TXNDC16: variants seen among roughly 807,000 people sequenced by gnomAD.
The protein encoded by TXNDC16 is thioredoxin domain-containing protein 16.
TXNDC16 carries 74 observed loss-of-function variants against 85.6 expected under a neutral mutation model. That is an observed-to-expected ratio of 0.86 (90% confidence interval 0.72 to 1.05). The LOEUF is 1.05. Ranked by LOEUF, TXNDC16 falls within the 50% of genes least tolerant of loss-of-function variation. The pLI is 0.00. For synonymous variants in TXNDC16, 335 were observed against 326.5 expected (o/e 1.03, Z -0.28); for missense variants, 959 against 947.0 (o/e 1.01, Z -0.17).
chr14:52,482,348 T>C (rs1417889142), intron 13 of TXNDC16, 59 bp from the exon 14 acceptor site: 1 of 1,377,046 alleles, frequency 7.3e-7, no homozygotes, highest in African/African-American at 1.4e-5. Context: ...GCATCCACAC[T>C]GATATGTAAC....
chr14:52,491,010 AT>A lies in TXNDC16; in HGVS notation c.757-6del, dbSNP rs1403628691. Reference sequence around the variant, plus strand: ...AGGATCTTCAGCAACTTCAGTCTTCATTGAAAAAAAAAAAAAAAAAAGGTGT... The same window carrying A: ...AGGATCTTCAGCAACTTCAGTCTTCATGAAAAAAAAAAAAAAAAAAGGTGT... On this transcript the variant is annotated splice_region_variant and splice_polypyrimidine_tract_variant and intron_variant, in intron 9 of 20. Transcript: ENST00000281741. The A allele has an allele frequency of 1.5e-5, 21 of 1,355,906 alleles. No individual in the cohort carries two copies. Among genetic ancestry groups the A allele is most frequent in the Non-Finnish European group, 2.1e-5 (21 of 1,018,258 alleles). The allele number at this position is 1,355,906 out of a possible 1,614,324, so 84.0% of individuals were successfully genotyped here.
At chr14:52,529,576 ATATATATAATGCCTATTATATATAT>A (rs2037431272) in intron 6 of TXNDC16, among the ~76,000 whole-genome samples, 6 of 45,862 alleles carry the variant, frequency 1.3e-4, no homozygotes, top group East Asian at 6.6e-4. Flanking sequence ...ATTATATATA[ATATATATAATGCCTATTATATATAT>A]TATATATAAT....
chr14:52,446,273 A>G (rs1001829856), intron 18 of TXNDC16, among the ~76,000 whole-genome samples: 1 of 152,244 alleles, frequency 6.6e-6, no homozygotes, highest in Admixed American at 6.5e-5. Context: ...GGGAGAGCAC[A>G]GCAATTGTGA....
At chr14:52,537,571 G>A (rs748624878) in intron 5 of TXNDC16, 28 bp downstream of exon 5, 11 of 1,455,752 alleles carry the variant, frequency 7.6e-6, no homozygotes, top group Non-Finnish European at 1.1e-5. Flanking sequence ...CTTTGTATTT[G>A]TCCAGCACAC....
chr14:52,439,324 C>T lies in TXNDC16; in HGVS notation c.2074G>A (p.Val692Ile), dbSNP rs61740050. The change falls in exon 20 of 21, where the codon GTT (valine) becomes ATT (isoleucine). Residue 692 changes from valine to isoleucine, a missense_variant. Physicochemically the swap from Val to Ile is conservative, Grantham distance 29. Transcript: ENST00000281741. Reference sequence around the variant, plus strand: ...CCACCTGAATGCAGATTCACCAAAACAAGAAGAGGAAGGGGAGGCAGAGGA... The same window carrying T: ...CCACCTGAATGCAGATTCACCAAAATAAGAAGAGGAAGGGGAGGCAGAGGA... ...FDPLPPLPLLVLVNLHSGGQV... is the reference protein window; with the variant it reads ...FDPLPPLPLLILVNLHSGGQV... The T allele has an allele frequency of 5.0e-5, 81 of 1,614,004 alleles. No homozygotes were observed. In the African/African-American group the frequency reaches 9.6e-4, roughly 19 times the overall value.
intron 14 of TXNDC16, among the ~76,000 whole-genome samples, chr14:52,477,045 T>A (rs538100248): frequency 6.6e-6 from 1 of 152,138 alleles, no homozygotes; most frequent in African/African-American, 2.4e-5. Flanking sequence ...AAAACAATTA[T>A]CAGCCAAGAA....
chr14:52,443,462 C>T (rs948171716), intron 18 of TXNDC16, among the ~76,000 whole-genome samples: 92 of 152,230 alleles, frequency 6.0e-4, no homozygotes, highest in African/African-American at 2.0e-3. Flanking sequence ...AGTAGGGGAG[C>T]TCATGGATGA....
chr14:52,551,980 CATCT>C (rs1378976056), intron 1 of TXNDC16, among the ~76,000 whole-genome samples: 2 of 152,190 alleles, frequency 1.3e-5, no homozygotes, highest in African/African-American at 2.4e-5. Flanking sequence ...CTTCAACATC[CATCT>C]GATACTACTA....
In TXNDC16 at chr14:52,543,415, G is replaced by A. The variant is rs2037875307; in HGVS notation, c.143C>T (p.Ala48Val). ...STLQPGKASL[A>V]YFCQADSPRT... ...ATACTTACCAGCTTGACAAAAATAA[G>A]CTAAAGAGGCTTTTCCTGGTTGCAA... The change falls in exon 3 of 21, where the codon GCT becomes GTT. Residue 48 changes from alanine to valine, a missense_variant. By Grantham distance (64) the Ala-to-Val change is moderately conservative. Coordinates refer to ENST00000281741, the MANE Select transcript of TXNDC16 (RefSeq NM_020784.3). The A allele has an allele frequency of 2.5e-6, 4 of 1,607,464 alleles. No homozygotes were observed. The South Asian group carries it at 3.4e-5, about 14-fold the overall frequency.
At chr14:52,489,568 C>A (rs902360352) in intron 11 of TXNDC16, among the ~76,000 whole-genome samples, 1 of 152,148 alleles carries the variant, frequency 6.6e-6, no homozygotes, top group East Asian at 1.9e-4. Context: ...CAAAATCAAA[C>A]TTAATTTGTT....
At chr14:52,441,009 T>C (rs1267198107) in intron 18 of TXNDC16, among the ~76,000 whole-genome samples, 1 of 152,176 alleles carries the variant, frequency 6.6e-6, no homozygotes, top group East Asian at 1.9e-4. Context: ...CTTCTAATAA[T>C]TTATTATGCT....
At chr14:52,530,252 A>ATATAT (rs1566581818) in intron 6 of TXNDC16, among the ~76,000 whole-genome samples, 38 of 37,572 alleles carry the variant, frequency 1.0e-3, no homozygotes, top group African/African-American at 6.7e-3. Context: ...TATATAATAT[A>ATATAT]TATTATATAA....
chr14:52,432,748 C>G (rs2034934347), intron 20 of TXNDC16, among the ~76,000 whole-genome samples, 161 bp from the exon 21 acceptor site: 1 of 151,954 alleles, frequency 6.6e-6, no homozygotes, highest in Non-Finnish European at 1.5e-5. Flanking sequence ...CTGTCATTGT[C>G]AACAAGAAAT....
chr14:52,527,370 G>A (rs1385900493), intron 6 of TXNDC16, among the ~76,000 whole-genome samples: 1 of 152,236 alleles, frequency 6.6e-6, no homozygotes, highest in Non-Finnish European at 1.5e-5. Flanking sequence ...GTGTGGAGAA[G>A]ACTCCTCAAA....
At chr14:52,456,074 A>C (rs1198464728) in intron 17 of TXNDC16, among the ~76,000 whole-genome samples, 2 of 152,214 alleles carry the variant, frequency 1.3e-5, no homozygotes, top group East Asian at 1.9e-4. Context: ...AACTAAACCT[A>C]AAAGAAAATT....
intron 16 of TXNDC16, among the ~76,000 whole-genome samples, chr14:52,462,100 TATAGAC>T (rs1324147855): frequency 2.0e-5 from 3 of 152,234 alleles, no homozygotes; most frequent in Non-Finnish European, 2.9e-5. Flanking sequence ...ACATAACACA[TATAGAC>T]ATAGAGACAT....
chr14:52,519,374 A>G (rs2037158696), intron 6 of TXNDC16, 81 bp from the exon 7 acceptor site: 4 of 1,053,244 alleles, frequency 3.8e-6, no homozygotes, highest in Admixed American at 4.7e-5. Context: ...GAACCTAACC[A>G]AAAGAGAAAT....
Position 52,543,484 on chromosome 14 carries a change from A to G in TXNDC16, c.74T>C (p.Val25Ala), listed in dbSNP as rs1236365911. The change falls in exon 3 of 21, where the codon GTA (valine) becomes GCA (alanine). Residue 25 changes from valine to alanine, a missense_variant. By Grantham distance (64) the Val-to-Ala change is moderately conservative. Transcript: ENST00000281741. Reference protein sequence around the residue: ...VIMCIFYMPTVNSLPELSPQK... With the variant: ...VIMCIFYMPTANSLPELSPQK... Reference sequence around the variant, plus strand: ...AGGACTCAGTTCTGGTAAAGAGTTTACTGTTGGCATGTAAAAAATGCACAT... The same window carrying G: ...AGGACTCAGTTCTGGTAAAGAGTTTGCTGTTGGCATGTAAAAAATGCACAT... The G allele has an allele frequency of 1.2e-6, 2 of 1,613,810 alleles. No homozygotes were observed. Among genetic ancestry groups the G allele is most frequent in the Non-Finnish European group, 1.7e-6 (2 of 1,179,778 alleles).
chr14:52,522,739 C>T (rs565596066), intron 6 of TXNDC16, among the ~76,000 whole-genome samples: 1 of 152,192 alleles, frequency 6.6e-6, no homozygotes, highest in African/African-American at 2.4e-5. Flanking sequence ...TCTAGCCCTT[C>T]TATCAAGGCT....
Sources: gnomAD v4.1 joint callset for allele counts (sites outside exome capture counted in the v4.1 genomes callset) on GRCh38, gnomAD v4.1.1 for gene constraint, MANE v1.5 for transcripts, NCBI Gene and HGNC (gene_info 2026-07-23, HGNC 2026-07-21) for gene names.